MAP4K5: variants seen among roughly 807,000 people sequenced by gnomAD.
The protein encoded by MAP4K5 is mitogen-activated protein kinase kinase kinase kinase 5, also known as MAPK/ERK kinase kinase kinase 5.
Under a neutral mutation model 135.6 loss-of-function variants are expected in MAP4K5, and 82 were observed. The ratio of observed to expected loss-of-function variants is 0.60; its 90% CI spans 0.51 to 0.73. MAP4K5 has a LOEUF of 0.73. MAP4K5 is among the 30% of genes least tolerant of loss of function. The pLI, the probability that MAP4K5 is intolerant of heterozygous loss-of-function variation, is 0.00. For missense variants in MAP4K5, 907 were observed against 1,010.9 expected, an observed-to-expected ratio of 0.90 and a Z score of 1.39; for synonymous variants, 347 against 335.0, an observed-to-expected ratio of 1.04 and a Z score of -0.39.
At chr14:50,487,108 A>G (rs1243876600) in intron 3 of MAP4K5, among the ~76,000 whole-genome samples, 1 of 152,236 alleles carries the variant, frequency 6.6e-6, no homozygotes, top group Admixed American at 6.5e-5. Flanking sequence ...GCTTTTAAAG[A>G]ACCTATCACT....
chr14:50,504,480 A>C (rs1255108156), intron 3 of MAP4K5, among the ~76,000 whole-genome samples: 2 of 152,096 alleles, frequency 1.3e-5, no homozygotes, highest in Non-Finnish European at 2.9e-5. Context: ...TATTCACCCC[A>C]AAAAATCATT....
chr14:50,534,693 G>T (rs1327769427), upstream of MAP4K5, among the ~76,000 whole-genome samples: 1 of 152,220 alleles, frequency 6.6e-6, no homozygotes, highest in Admixed American at 6.5e-5. Context: ...TGGTTAAAAA[G>T]TCGAGACTCT....
At chr14:50,456,409 T>C (rs1172854716) in intron 14 of MAP4K5, 107 bp downstream of exon 14, 1 of 806,678 alleles carries the variant, frequency 1.2e-6, no homozygotes, top group African/African-American at 1.7e-5. Flanking sequence ...TCTGATATGT[T>C]GAAGTATGTA....
At chr14:50,455,990 C>T (rs1273944984) in intron 14 of MAP4K5, among the ~76,000 whole-genome samples, 2 of 152,148 alleles carry the variant, frequency 1.3e-5, no homozygotes, top group Non-Finnish European at 2.9e-5. Flanking sequence ...CATCTTAGTG[C>T]TAATCTGATT....
intron 3 of MAP4K5, among the ~76,000 whole-genome samples, chr14:50,490,642 C>G (rs1193378016): frequency 2.0e-5 from 3 of 152,138 alleles, no homozygotes; most frequent in Non-Finnish European, 2.9e-5. Flanking sequence ...CAACTCTAAA[C>G]TACAATTTTT....
intron 3 of MAP4K5, among the ~76,000 whole-genome samples, chr14:50,487,082 T>A (rs2037378346): frequency 6.6e-6 from 1 of 152,250 alleles, no homozygotes; most frequent in African/African-American, 2.4e-5. Context: ...TAAATATTCT[T>A]GTCATGCCAT....
upstream of MAP4K5, among the ~76,000 whole-genome samples, chr14:50,536,214 G>A (rs1051645875): frequency 6.6e-6 from 1 of 152,232 alleles, no homozygotes; most frequent in Non-Finnish European, 1.5e-5. Context: ...GGAGGCCAAG[G>A]TGGGCGGATC....
intron 2 of MAP4K5, among the ~76,000 whole-genome samples, chr14:50,517,139 C>T (rs2140072834): frequency 6.7e-6 from 1 of 149,000 alleles, no homozygotes; most frequent in Non-Finnish European, 1.5e-5. Context: ...CAGGTTTCTA[C>T]AAAATTACAA....
intron 5 of MAP4K5, among the ~76,000 whole-genome samples, chr14:50,483,870 A>C (rs986552890): frequency 6.0e-5 from 9 of 151,106 alleles, no homozygotes; most frequent in African/African-American, 2.2e-4. Flanking sequence ...TTATTTATTT[A>C]TTTATTTATT....
chr14:50,507,872 T>C (rs2037846129), intron 2 of MAP4K5, among the ~76,000 whole-genome samples: 1 of 152,158 alleles, frequency 6.6e-6, no homozygotes. Flanking sequence ...GTCTGCTTGG[T>C]GCAGAGCTGA....
At chr14:50,469,125 T>C (rs2036899097) in intron 9 of MAP4K5, among the ~76,000 whole-genome samples, 3 of 151,904 alleles carry the variant, frequency 2.0e-5, no homozygotes, top group Admixed American at 2.0e-4. Context: ...CTAAAGGAGG[T>C]GAGACTTCTA....
chr14:50,461,720 A>G (rs2036715370), intron 13 of MAP4K5, among the ~76,000 whole-genome samples: 1 of 152,144 alleles, frequency 6.6e-6, no homozygotes, highest in Admixed American at 6.5e-5. Context: ...AGAGATCAAG[A>G]CAATCCTGGC....
At chr14:50,464,514 G>A (rs2036787162) in intron 11 of MAP4K5, among the ~76,000 whole-genome samples, 1 of 152,104 alleles carries the variant, frequency 6.6e-6, no homozygotes, top group African/African-American at 2.4e-5. Flanking sequence ...GGTAGGCATG[G>A]GGTAATATAA....
At chr14:50,490,135 G>GTC (rs1294740298) in intron 3 of MAP4K5, among the ~76,000 whole-genome samples, 15 of 137,426 alleles carry the variant, frequency 1.1e-4, no homozygotes. Context: ...GTGAGAGTGT[G>GTC]TGTGTGTGTG....
chr14:50,429,436 A>G (rs945729336), intron 28 of MAP4K5, among the ~76,000 whole-genome samples, 176 bp from the exon 29 acceptor site: 1 of 152,194 alleles, frequency 6.6e-6, no homozygotes, highest in Non-Finnish European at 1.5e-5. Flanking sequence ...AAGAGGACAA[A>G]TATGTCCTAA....
intron 1 of MAP4K5, among the ~76,000 whole-genome samples, chr14:50,546,931 G>A (rs535594852): frequency 1.3e-5 from 2 of 152,148 alleles, no homozygotes; most frequent in South Asian, 4.1e-4. Flanking sequence ...GTGGTTTGCT[G>A]CACCCATATA....
intron 1 of MAP4K5, 56 bp from the exon 2 acceptor site, chr14:50,532,214 C>A: frequency 1.8e-6 from 1 of 570,922 alleles, no homozygotes; most frequent in African/African-American, 2.0e-5. Flanking sequence ...CCCCCAGCGG[C>A]CCGCGCCCTC....
chr14:50,491,323 T>TC (rs1232516115), intron 3 of MAP4K5, among the ~76,000 whole-genome samples: 1 of 149,918 alleles, frequency 6.7e-6, no homozygotes, highest in African/African-American at 2.5e-5. Flanking sequence ...CTATTATCTC[T>TC]CTTTTTTTTT....
intron 3 of MAP4K5, among the ~76,000 whole-genome samples, chr14:50,493,963 G>C (rs970805310): frequency 2.6e-5 from 4 of 151,006 alleles, no homozygotes; most frequent in Non-Finnish European, 4.4e-5. Flanking sequence ...ACTCCAGCCT[G>C]GGCGACAGAG....
Sources: gnomAD v4.1 joint callset for allele counts (sites outside exome capture counted in the v4.1 genomes callset) on GRCh38, gnomAD v4.1.1 for gene constraint, MANE v1.5 for transcripts, NCBI Gene and HGNC (gene_info 2026-07-23, HGNC 2026-07-21) for gene names.